Variants in AMZ1 observed in about 807,000 individuals in gnomAD.
The protein encoded by AMZ1 is archaemetzincin-1.
In AMZ1, 39 loss-of-function variants were observed where a neutral mutation model predicts 29.9. The observed-to-expected ratio is 1.30, with a 90% CI of 1.01 to 1.70. The LOEUF is 1.70. Among genes scored for constraint, AMZ1 ranks in the 40% most tolerant of loss-of-function variants. The pLI is 0.00. For missense variants in AMZ1, 1,041 were observed against 680.6 expected (o/e 1.53, Z -5.89); for synonymous variants, 458 against 304.0 (o/e 1.51, Z -5.27).
intron 4 of AMZ1, among the ~76,000 whole-genome samples, chr7:2,757,226 C>T (rs1224920838): frequency 6.8e-6 from 1 of 147,798 alleles, no homozygotes; most frequent in Non-Finnish European, 1.5e-5. Flanking sequence ...AGCTCTGCCT[C>T]CCGGGTTCAC....
chr7:2,751,988 C>T lies in AMZ1; in HGVS notation n.551-12724C>T, dbSNP rs141399650. Reference sequence around the variant, plus strand: ...AAAATCAAAGAGGAAGAAATAATTTCCAACTCCTTTTATGAGGCCAGCATC... The same window carrying T: ...AAAATCAAAGAGGAAGAAATAATTTTCAACTCCTTTTATGAGGCCAGCATC... On this transcript the variant is annotated intron_variant and non_coding_transcript_variant, in intron 4 of 4. Coordinates refer to the AMZ1 transcript ENST00000489665. Among the ~76,000 whole-genome samples, 13 of 152,228 alleles carry T rather than the reference C, an allele frequency of 8.5e-5. No homozygotes were observed. In the East Asian group the frequency reaches 1.9e-3, roughly 23 times the overall value.
In AMZ1 at chr7:2,700,214, C is replaced by G. The variant is rs1787967589; in HGVS notation, c.-218-20C>G. Reference sequence around the variant, plus strand: ...CTGTGTGCTCGGCAGTGAGGGGACCCCTGTTCGTGTCATCCACAGGGTGCT... The same window carrying G: ...CTGTGTGCTCGGCAGTGAGGGGACCGCTGTTCGTGTCATCCACAGGGTGCT... On this transcript the variant is annotated intron_variant, in intron 1 of 6. Transcript: ENST00000683327. The G allele has an allele frequency of 3.5e-6, 2 of 572,782 alleles. No individual in the cohort carries two copies. The highest frequency in any genetic ancestry group is 6.2e-6 in the Non-Finnish European group (2 of 322,170). The allele number at this position is 572,782 out of a possible 1,614,324, so 35.5% of individuals were successfully genotyped here.
intron 1 of AMZ1, among the ~76,000 whole-genome samples, chr7:2,683,041 C>G (rs77406205): frequency 1.1e-3 from 169 of 152,366 alleles, no homozygotes; most frequent in African/African-American, 3.9e-3. Flanking sequence ...AGCCCCTGTT[C>G]TGTGGCTCGA....
At chr7:2,691,016 C>T (rs1470133402) in intron 1 of AMZ1, among the ~76,000 whole-genome samples, 1 of 149,770 alleles carries the variant, frequency 6.7e-6, no homozygotes, top group Non-Finnish European at 1.5e-5. Flanking sequence ...TGGCATGCGT[C>T]TGTAGTCCCA....
At chr7:2,724,942 C>A (rs1458183093) in intron 4 of AMZ1, among the ~76,000 whole-genome samples, 1 of 152,130 alleles carries the variant, frequency 6.6e-6, no homozygotes, top group Non-Finnish European at 1.5e-5. Flanking sequence ...AGCCGGTACC[C>A]CAGCGGGTGG....
chr7:2,695,534 TAGTG>T (rs1787657574), intron 1 of AMZ1, among the ~76,000 whole-genome samples: 1 of 146,634 alleles, frequency 6.8e-6, no homozygotes, highest in Non-Finnish European at 1.5e-5. Context: ...CTGGGCAACA[TAGTG>T]AGACTCTTCT....
chr7:2,693,715 C>T (rs896911313), intron 1 of AMZ1, among the ~76,000 whole-genome samples: 1 of 152,156 alleles, frequency 6.6e-6, no homozygotes, highest in South Asian at 2.1e-4. Flanking sequence ...GCCACCACGC[C>T]TGGCTAATTT....
At chr7:2,722,141 G>C (rs978205508), downstream of AMZ1, among the ~76,000 whole-genome samples, 1 of 152,186 alleles carries the variant, frequency 6.6e-6, no homozygotes, top group Non-Finnish European at 1.5e-5. Context: ...GCTGGGGCCT[G>C]AGCACAGGAA....
In AMZ1 at chr7:2,731,444, G is replaced by A; in HGVS notation, n.550+21628G>A. On this transcript the variant is annotated intron_variant and non_coding_transcript_variant, in intron 4 of 4. Transcript: ENST00000489665. This position sits in a 1 kb window ranked among gnomAD's most constrained non-coding sequence, Gnocchi z 6.0. ...TCCACCAGGAGGTCCATCTTGTTGA[G>A]GAAGAGAATGATGGAGACGTTGAAG... The A allele has an allele frequency of 6.2e-7, 1 of 1,613,820 alleles. No homozygotes were observed. Among genetic ancestry groups the A allele is most frequent in the Non-Finnish European group, 8.5e-7 (1 of 1,179,794 alleles).
chr7:2,754,595 A>T (rs1583241241), intron 4 of AMZ1, among the ~76,000 whole-genome samples: 1 of 152,024 alleles, frequency 6.6e-6, no homozygotes, highest in East Asian at 1.9e-4. Flanking sequence ...AAAAAAAAAA[A>T]AAATTAGCCA....
At chr7:2,764,244 C>CTTTTT (rs35992308), upstream of AMZ1, among the ~76,000 whole-genome samples, 1 of 139,296 alleles carries the variant, frequency 7.2e-6, no homozygotes, top group African/African-American at 2.7e-5. Flanking sequence ...CAGCTAATTT[C>CTTTTT]TTTTTTTTTT....
intron 1 of AMZ1, among the ~76,000 whole-genome samples, chr7:2,681,276 G>A (rs1211940681): frequency 6.6e-6 from 1 of 152,122 alleles, no homozygotes; most frequent in Non-Finnish European, 1.5e-5. Context: ...AGGCTGGAGT[G>A]CAGTGGTGCA....
intron 4 of AMZ1, among the ~76,000 whole-genome samples, chr7:2,734,913 C>G (rs1475350072): frequency 6.6e-6 from 1 of 152,154 alleles, no homozygotes; most frequent in African/African-American, 2.4e-5. Context: ...GGTGAACGTA[C>G]CCCAAGGGCC....
At chr7:2,691,366 C>T (rs1787376237) in intron 1 of AMZ1, among the ~76,000 whole-genome samples, 1 of 148,150 alleles carries the variant, frequency 6.7e-6, no homozygotes, top group Non-Finnish European at 1.5e-5. Context: ...AAGTGGCTTT[C>T]CCTCTCTGAG....
At chr7:2,700,135 C>T (rs961408652) in intron 1 of AMZ1, 99 bp from the exon 2 acceptor site, 2 of 390,340 alleles carry the variant, frequency 5.1e-6, no homozygotes, top group Non-Finnish European at 9.5e-6. Context: ...CTCTGCAGAG[C>T]TTCTCCCCAG....
At position 2,709,796 on chromosome 7, in the gene AMZ1, A is replaced by T. The variant is rs572143731; in HGVS notation, c.928A>T (p.Arg310Trp). ...GAAGCTGCAGCATGTCCTGGGTTTCAGGCTCATCGAGAGGTACCAGGTGAG... is the reference window on the plus strand; with the variant it reads ...GAAGCTGCAGCATGTCCTGGGTTTCTGGCTCATCGAGAGGTACCAGGTGAG... ...LRKLQHVLGF[R>W]LIERYQRLYT... The change falls in exon 6 of 7, where the codon AGG becomes TGG. Residue 310 changes from arginine to tryptophan, a missense_variant. Physicochemically the swap from Arg to Trp is moderately radical, Grantham distance 101. Transcript: ENST00000683327. 2 of 1,611,954 alleles carry T rather than the reference A, an allele frequency of 1.2e-6. No individual in the cohort carries two copies. Among genetic ancestry groups the T allele is most frequent in the Admixed American group, 3.3e-5 (2 of 59,974 alleles).
At chr7:2,730,193 T>C (rs1264835312) in intron 4 of AMZ1, 1 of 152,414 alleles carries the variant, frequency 6.6e-6, no homozygotes, top group Non-Finnish European at 1.5e-5. Context: ...GCCAGCTTTC[T>C]GAAGCCCCAG....
intron 1 of AMZ1, among the ~76,000 whole-genome samples, chr7:2,692,479 T>C (rs1193001696): frequency 6.6e-6 from 1 of 151,978 alleles, no homozygotes; most frequent in Admixed American, 6.6e-5. Flanking sequence ...GAAGCGGAGG[T>C]TGCAGTGAGC....
At chr7:2,721,921 A>ATCT (rs1367488153), downstream of AMZ1, among the ~76,000 whole-genome samples, 1 of 152,242 alleles carries the variant, frequency 6.6e-6, no homozygotes, top group Non-Finnish European at 1.5e-5. Context: ...ACTTTATCAT[A>ATCT]TCTTAACCTC....
Sources: allele counts gnomAD v4.1 joint callset (sites outside exome capture counted in the v4.1 genomes callset), GRCh38; gene constraint gnomAD v4.1.1; non-coding constraint Gnocchi (gnomAD v3.1); transcripts MANE v1.5; gene names NCBI Gene and HGNC (gene_info 2026-07-23, HGNC 2026-07-21).